The following DPYS variants were observed in gnomAD, a reference collection of about 807,000 sequenced individuals.
DPYS encodes the protein dihydropyrimidinase.
A neutral mutation model predicts 50.3 loss-of-function variants in DPYS; 39 were observed. The observed-to-expected ratio is 0.78, with a 90% CI of 0.60 to 1.01. DPYS has a LOEUF of 1.01. Among genes scored for constraint, DPYS ranks in the 50% least tolerant of loss-of-function variants. The probability of loss-of-function intolerance (pLI) is 0.00; values close to 1 mark genes in which losing one functional copy is unlikely to be tolerated. For missense variants in DPYS, 659 were observed against 680.9 expected, an observed-to-expected ratio of 0.97 and a Z score of 0.36; for synonymous variants, 245 against 250.7, an observed-to-expected ratio of 0.98 and a Z score of 0.22.
At chr8:104,438,189 G>A (rs1813214725) in intron 4 of DPYS, among the ~76,000 whole-genome samples, 1 of 152,164 alleles carries the variant, frequency 6.6e-6, no homozygotes, top group Admixed American at 6.6e-5. Flanking sequence ...CTCTACTGCA[G>A]GCTTAGCAAG....
At chr8:104,382,633 C>T (rs1811094845) in intron 8 of DPYS, among the ~76,000 whole-genome samples, 1 of 151,310 alleles carries the variant, frequency 6.6e-6, no homozygotes, top group African/African-American at 2.4e-5. Context: ...ATTTATCATC[C>T]AAAGTAGGAC....
chr8:104,459,367 CCAGA>C (rs1814040941), intron 1 of DPYS, among the ~76,000 whole-genome samples: 1 of 152,158 alleles, frequency 6.6e-6, no homozygotes, highest in Non-Finnish European at 1.5e-5. Context: ...TTATCAAAGT[CCAGA>C]CAGATTAGAG....
intron 7 of DPYS, among the ~76,000 whole-genome samples, chr8:104,398,889 G>A (rs1811682171): frequency 6.6e-6 from 1 of 152,208 alleles, no homozygotes; most frequent in Non-Finnish European, 1.5e-5. Flanking sequence ...AGGTGCAGGT[G>A]TGAAGGCCAA....
At position 104,429,718 on chromosome 8, in the gene DPYS, A is replaced by C. The variant is rs1030836690; in HGVS notation, c.794-17T>G. 14 of 1,614,020 alleles carry C rather than the reference A, an allele frequency of 8.7e-6. No homozygotes were observed. The African/African-American group carries it at 1.5e-4, about 17-fold the overall frequency. ...CCACCTTCCCTGGAAAGATTAAAAG[A>C]AGCATTCATCACTTTAATTTTATTC... On this transcript the variant is annotated splice_polypyrimidine_tract_variant and intron_variant, in intron 4 of 9. Coordinates refer to ENST00000351513, the MANE Select transcript of DPYS (RefSeq NM_001385.3).
chr8:104,395,573 T>G (rs1811554939), intron 7 of DPYS, among the ~76,000 whole-genome samples: 1 of 152,246 alleles, frequency 6.6e-6, no homozygotes, highest in African/African-American at 2.4e-5. Flanking sequence ...TATGACTGAC[T>G]TATCTAATTC....
chr8:104,430,815 C>T (rs1293218350), intron 4 of DPYS, among the ~76,000 whole-genome samples: 1 of 152,120 alleles, frequency 6.6e-6, no homozygotes, highest in Non-Finnish European at 1.5e-5. Context: ...TAAAAGTTAT[C>T]CCCCAGGGAC....
chr8:104,393,572 A>G (rs1445776827), intron 7 of DPYS, among the ~76,000 whole-genome samples: 3 of 152,346 alleles, frequency 2.0e-5, no homozygotes, highest in South Asian at 4.1e-4. Flanking sequence ...TGAAGATAAC[A>G]GAAATAATAA....
intron 7 of DPYS, among the ~76,000 whole-genome samples, chr8:104,403,165 C>T (rs77040256): frequency 0.064 from 9,726 of 152,218 alleles, 375 homozygotes; most frequent in African/African-American, 0.094. Flanking sequence ...TGACTTCCAT[C>T]TCTCCAGATC....
At chr8:104,451,494 T>C (rs1054878989) in intron 1 of DPYS, 90 bp from the exon 2 acceptor site, 40 of 1,554,826 alleles carry the variant, frequency 2.6e-5, no homozygotes, top group Non-Finnish European at 1.3e-5. Flanking sequence ...TGTAAGCACT[T>C]GGGCAAACTC....
At chr8:104,420,166 C>CA (rs1812496090) in intron 7 of DPYS, 1 of 152,144 alleles carries the variant, frequency 6.6e-6, no homozygotes, top group African/African-American at 2.4e-5. Context: ...AAGAGGCAGA[C>CA]AGTGACGATG....
intron 4 of DPYS, among the ~76,000 whole-genome samples, chr8:104,438,082 T>C (rs933575786): frequency 3.3e-5 from 5 of 152,180 alleles, no homozygotes; most frequent in Non-Finnish European, 7.4e-5. Context: ...ACACTTTTCC[T>C]TAAAAATTAC....
chr8:104,436,169 G>A (rs559490085), intron 4 of DPYS, among the ~76,000 whole-genome samples: 61 of 152,262 alleles, frequency 4.0e-4, no homozygotes, highest in Non-Finnish European at 7.1e-4. Flanking sequence ...AAACAGACAC[G>A]CTTGGTGGAA....
chr8:104,402,493 T>C (rs982126778), intron 7 of DPYS, among the ~76,000 whole-genome samples: 14 of 152,338 alleles, frequency 9.2e-5, no homozygotes, highest in East Asian at 3.9e-4. Flanking sequence ...TTAGCCTGAA[T>C]ACTGGTGAGA....
intron 8 of DPYS, among the ~76,000 whole-genome samples, chr8:104,392,026 T>C (rs1364817849): frequency 6.6e-6 from 1 of 152,194 alleles, no homozygotes; most frequent in Non-Finnish European, 1.5e-5. Context: ...AGAAACTTGC[T>C]CAAGGCAACA....
At chr8:104,419,002 G>A (rs866758161) in intron 7 of DPYS, 2 of 985,304 alleles carry the variant, frequency 2.0e-6, no homozygotes, top group Middle Eastern at 5.2e-4. Context: ...GACTCTTTTG[G>A]CTTCATTTCA....
chr8:104,443,540 G>A (rs1326530371), intron 4 of DPYS, among the ~76,000 whole-genome samples: 1 of 152,192 alleles, frequency 6.6e-6, no homozygotes, highest in Non-Finnish European at 1.5e-5. Flanking sequence ...GCACTGCCCT[G>A]ATTCAGGTAG....
At chr8:104,439,846 T>G (rs891489808) in intron 4 of DPYS, among the ~76,000 whole-genome samples, 2 of 152,188 alleles carry the variant, frequency 1.3e-5, no homozygotes, top group African/African-American at 4.8e-5. Flanking sequence ...TTTTCCCAAC[T>G]TCAGATCAAT....
intron 7 of DPYS, among the ~76,000 whole-genome samples, chr8:104,393,721 C>T (rs776414834): frequency 3.0e-4 from 46 of 152,274 alleles, no homozygotes; most frequent in Non-Finnish European, 5.9e-4. Flanking sequence ...CTACATGCCT[C>T]CTTTCCTTAA....
At chr8:104,434,443 G>A (rs547465763) in intron 4 of DPYS, among the ~76,000 whole-genome samples, 40 of 152,226 alleles carry the variant, frequency 2.6e-4, no homozygotes, top group Admixed American at 2.3e-3. Flanking sequence ...ACAGATTTTC[G>A]GGTTAACTTT....
Sources: gnomAD v4.1 joint callset for allele counts (sites outside exome capture counted in the v4.1 genomes callset) on GRCh38, gnomAD v4.1.1 for gene constraint, MANE v1.5 for transcripts, NCBI Gene and HGNC (gene_info 2026-07-23, HGNC 2026-07-21) for gene names.